The following RABGAP1L variants were observed in gnomAD, a reference collection of about 807,000 sequenced individuals.
The protein encoded by RABGAP1L is RAB GTPase activating protein 1 like.
In RABGAP1L, 63 loss-of-function variants were observed where a neutral mutation model predicts 137.7. The observed-to-expected ratio is 0.46, with a 90% CI of 0.37 to 0.56. The LOEUF is 0.56. Ranked by LOEUF, RABGAP1L falls within the 20% of genes least tolerant of loss-of-function variation. RABGAP1L has a pLI of 0.00. For synonymous variants in RABGAP1L, 431 were observed against 433.7 expected (o/e 0.99, Z 0.08); for missense variants, 1,095 against 1,244.0 (o/e 0.88, Z 1.80).
intron 18 of RABGAP1L, among the ~76,000 whole-genome samples, chr1:174,802,561 C>T (rs764322245): frequency 3.9e-5 from 6 of 152,254 alleles, no homozygotes; most frequent in Non-Finnish European, 7.4e-5. Context: ...GAGCTGAGAT[C>T]GTGCCATTGC....
chr1:174,709,004 A>T (rs1680270020), intron 17 of RABGAP1L, among the ~76,000 whole-genome samples: 1 of 152,166 alleles, frequency 6.6e-6, no homozygotes, highest in African/African-American at 2.4e-5. Flanking sequence ...TGCTGCCATT[A>T]CTGAGGCTTG....
intron 19 of RABGAP1L, among the ~76,000 whole-genome samples, chr1:174,812,470 A>T (rs1386524687): frequency 6.6e-6 from 1 of 152,208 alleles, no homozygotes; most frequent in Non-Finnish European, 1.5e-5. Flanking sequence ...TTGAAATTGA[A>T]AACTCTTTCC....
chr1:174,510,374 G>A (rs1233481164), intron 13 of RABGAP1L, among the ~76,000 whole-genome samples: 1 of 152,184 alleles, frequency 6.6e-6, no homozygotes, highest in Non-Finnish European at 1.5e-5. Flanking sequence ...CAGGTACTCA[G>A]TAAATATTTG....
intron 15 of RABGAP1L, among the ~76,000 whole-genome samples, chr1:174,689,447 G>C (rs1166551515): frequency 6.6e-6 from 1 of 152,096 alleles, no homozygotes; most frequent in Non-Finnish European, 1.5e-5. Context: ...TAGGGTCAGA[G>C]ATGATTTTTC....
At chr1:174,904,107 TAGG>T (rs1346948802) in intron 19 of RABGAP1L, among the ~76,000 whole-genome samples, 2 of 151,968 alleles carry the variant, frequency 1.3e-5, no homozygotes. Flanking sequence ...GAGCAGTCAG[TAGG>T]AGAACTGAAC....
At chr1:174,205,150 G>T (rs925433017) in intron 1 of RABGAP1L, among the ~76,000 whole-genome samples, 2 of 152,138 alleles carry the variant, frequency 1.3e-5, no homozygotes, top group African/African-American at 2.4e-5. Context: ...GGAGATGAAG[G>T]CTGCTTGATT....
chr1:174,195,303 A>G (rs10912744), intron 1 of RABGAP1L, among the ~76,000 whole-genome samples: 9,540 of 152,152 alleles, frequency 0.063, 977 homozygotes, highest in African/African-American at 0.21. Context: ...TCCTCTTTGT[A>G]GATAATCTTT....
At chr1:174,302,243 C>G (rs1196148579) in intron 10 of RABGAP1L, among the ~76,000 whole-genome samples, 1 of 152,168 alleles carries the variant, frequency 6.6e-6, no homozygotes, top group Non-Finnish European at 1.5e-5. Flanking sequence ...ACATTACTTG[C>G]ATATTGTACT....
chr1:174,276,939 A>G (rs532392502), intron 9 of RABGAP1L, among the ~76,000 whole-genome samples: 7 of 152,188 alleles, frequency 4.6e-5, no homozygotes, highest in African/African-American at 1.7e-4. Context: ...TAAGTGCTTT[A>G]CTGTCATTAA....
intron 23 of RABGAP1L, 50 bp from the exon 24 acceptor site, chr1:174,982,784 C>G (rs2149388863): frequency 6.6e-7 from 1 of 1,509,474 alleles, no homozygotes; most frequent in South Asian, 1.2e-5. Flanking sequence ...TGTGTACATG[C>G]TGCAAGAGTT....
intron 19 of RABGAP1L, among the ~76,000 whole-genome samples, chr1:174,827,978 G>C (rs77515017): frequency 6.8e-6 from 1 of 148,140 alleles, no homozygotes; most frequent in Non-Finnish European, 1.5e-5. Context: ...TTATAATAGA[G>C]TATTTTAAGC....
At chr1:174,954,494 C>A (rs1668215466) in intron 19 of RABGAP1L, among the ~76,000 whole-genome samples, 1 of 152,006 alleles carries the variant, frequency 6.6e-6, no homozygotes, top group Non-Finnish European at 1.5e-5. Context: ...GTAAAAATAT[C>A]CCTTTAAAAG....
chr1:174,381,548 CTTCT>C (rs1686163395), intron 12 of RABGAP1L, among the ~76,000 whole-genome samples: 1 of 77,854 alleles, frequency 1.3e-5, no homozygotes, highest in Non-Finnish European at 2.1e-5. Context: ...ATGTAATGGC[CTTCT>C]TTGTCTCTTT....
intron 13 of RABGAP1L, among the ~76,000 whole-genome samples, chr1:174,555,998 T>C (rs1200411796): frequency 2.0e-5 from 3 of 149,462 alleles, no homozygotes; most frequent in Non-Finnish European, 3.0e-5. Flanking sequence ...TTTGCCTTTT[T>C]TTTTTTTTTT....
chr1:174,305,622 G>C (rs1457238055), intron 11 of RABGAP1L, among the ~76,000 whole-genome samples: 1 of 152,074 alleles, frequency 6.6e-6, no homozygotes, highest in Admixed American at 6.5e-5. Context: ...CTGACCTCAA[G>C]TAATCTGCCC....
intron 17 of RABGAP1L, among the ~76,000 whole-genome samples, chr1:174,704,874 A>G (rs368014629): frequency 1.9e-4 from 29 of 152,206 alleles, no homozygotes; most frequent in African/African-American, 6.5e-4. Flanking sequence ...GAAAGTATAA[A>G]CCAAATTCAC....
At chr1:174,527,717 A>T (rs1664022093) in intron 13 of RABGAP1L, among the ~76,000 whole-genome samples, 1 of 152,068 alleles carries the variant, frequency 6.6e-6, no homozygotes, top group Non-Finnish European at 1.5e-5. Flanking sequence ...TTATTTACCT[A>T]ATGCTGAGAG....
chr1:174,800,138 T>C, intron 18 of RABGAP1L: 1 of 1,374,946 alleles, frequency 7.3e-7, no homozygotes, highest in Non-Finnish European at 9.4e-7. Context: ...CATTTTCCAG[T>C]CTACTTTGGG....
At chr1:174,666,308 TG>T (rs1676780420) in intron 14 of RABGAP1L, among the ~76,000 whole-genome samples, 2 of 152,210 alleles carry the variant, frequency 1.3e-5, no homozygotes, top group Non-Finnish European at 2.9e-5. Context: ...GTCTAATAAA[TG>T]GCAAATTGCT....
Sources: gnomAD v4.1 joint callset for allele counts (sites outside exome capture counted in the v4.1 genomes callset) on GRCh38, gnomAD v4.1.1 for gene constraint, MANE v1.5 for transcripts, NCBI Gene and HGNC (gene_info 2026-07-23, HGNC 2026-07-21) for gene names.